NTRK2: variants seen among roughly 807,000 people sequenced by gnomAD.
NTRK2 encodes BDNF/NT-3 growth factors receptor.
A neutral mutation model predicts 94.5 loss-of-function variants in NTRK2; 13 were observed. The observed-to-expected ratio is 0.14, with a 90% CI of 0.09 to 0.22. The LOEUF is 0.22. Among genes scored for constraint, NTRK2 ranks in the 10% least tolerant of loss-of-function variants. NTRK2 has a pLI of 1.00. For missense variants in NTRK2, 639 were observed against 1,071.2 expected (o/e 0.60, Z 5.63); for synonymous variants, 372 against 407.4 (o/e 0.91, Z 1.05).
At chr9:84,885,504 G>C (rs939402459) in intron 14 of NTRK2, among the ~76,000 whole-genome samples, 7 of 152,034 alleles carry the variant, frequency 4.6e-5, no homozygotes, top group African/African-American at 1.7e-4. Context: ...TAGCAGAATA[G>C]AAGTTATCTT....
At chr9:84,873,265 G>GGCT (rs1587775133) in intron 14 of NTRK2, 2 of 1,059,744 alleles carry the variant, frequency 1.9e-6, no homozygotes, top group East Asian at 1.0e-4. Flanking sequence ...GCCAAATAAT[G>GGCT]GCTGCTTTGG....
At chr9:84,668,789 C>G (rs911590884), upstream of NTRK2, 1 of 152,208 alleles carries the variant, frequency 6.6e-6, no homozygotes, top group Non-Finnish European at 1.5e-5. Context: ...GCGCAAGGTA[C>G]GGCAGGGGAG....
intron 13 of NTRK2, among the ~76,000 whole-genome samples, chr9:84,863,353 C>T (rs1270583530): frequency 3.9e-5 from 6 of 152,190 alleles, no homozygotes; most frequent in Admixed American, 2.6e-4. Flanking sequence ...AGACTTAACT[C>T]ATGTTTTTCA....
At chr9:84,745,156 GACAC>G in intron 11 of NTRK2, 83 bp downstream of exon 11, 1 of 919,866 alleles carries the variant, frequency 1.1e-6, no homozygotes, top group Non-Finnish European at 1.8e-6. Flanking sequence ...GCTTCAATAA[GACAC>G]TTTTATTGTT....
intron 17 of NTRK2, among the ~76,000 whole-genome samples, chr9:84,990,467 G>A (rs1427485901): frequency 6.6e-6 from 1 of 152,174 alleles, no homozygotes; most frequent in African/African-American, 2.4e-5. Context: ...CGAAGCCCAG[G>A]CACTCTTTTG....
intron 12 of NTRK2, among the ~76,000 whole-genome samples, chr9:84,767,623 A>G (rs2066160088): frequency 6.6e-6 from 1 of 152,198 alleles, no homozygotes; most frequent in East Asian, 1.9e-4. Flanking sequence ...TGAGTGTCAC[A>G]GTGCTTCATC....
In NTRK2 at chr9:84,867,338, C is replaced by G. The variant is rs2132058839; in HGVS notation, c.1540C>G (p.Pro514Ala). 1 of 1,613,938 alleles carries G rather than the reference C, an allele frequency of 6.2e-7. No individual in the cohort carries two copies. Among genetic ancestry groups the G allele is most frequent in the Non-Finnish European group, 8.5e-7 (1 of 1,179,856 alleles). Residue 514 changes from proline to alanine, a missense_variant, in exon 14 of 19, where the codon CCA becomes GCA. Physicochemically the swap from Pro to Ala is conservative, Grantham distance 27. Transcript: ENST00000277120. ...SNTPSSSEGG[P>A]DAVIIGMTKI... is the part of the protein sequence containing the mutation. ...CACTCCATCTTCTTCGGAAGGTGGC[C>G]CAGATGCTGTCATTATTGGAATGAC...
At chr9:84,822,850 A>G (rs114550007) in intron 12 of NTRK2, among the ~76,000 whole-genome samples, 2,549 of 152,280 alleles carry the variant, frequency 0.017, 75 homozygotes, top group African/African-American at 0.057. Context: ...TTGGTCAACT[A>G]TGTTCCCTGT....
intron 12 of NTRK2, chr9:84,815,634 G>A (rs2072324915): frequency 1.0e-6 from 1 of 987,476 alleles, no homozygotes; most frequent in Admixed American, 6.0e-5. Context: ...TTTTAACAAT[G>A]TAGATAGATC....
chr9:84,821,881 C>A (rs2072871324), intron 12 of NTRK2, among the ~76,000 whole-genome samples: 1 of 151,106 alleles, frequency 6.6e-6, no homozygotes, highest in Admixed American at 6.6e-5. Context: ...TTGCTGTGTT[C>A]TTTCTTTTCT....
intron 9 of NTRK2, among the ~76,000 whole-genome samples, chr9:84,734,066 A>G (rs1428084906): frequency 6.6e-6 from 1 of 152,058 alleles, no homozygotes; most frequent in Admixed American, 6.5e-5. Flanking sequence ...ATCCTCCATG[A>G]TCTTTGCGGC....
At chr9:84,959,601 A>G (rs557879420) in intron 17 of NTRK2, among the ~76,000 whole-genome samples, 1 of 152,238 alleles carries the variant, frequency 6.6e-6, no homozygotes. Flanking sequence ...TACCTTCCCA[A>G]TGAAGGGAGA....
intron 12 of NTRK2, among the ~76,000 whole-genome samples, chr9:84,787,745 A>G (rs1023164147): frequency 1.3e-5 from 2 of 152,216 alleles, no homozygotes; most frequent in South Asian, 2.1e-4. Flanking sequence ...GGTGATAATA[A>G]TAGCTCCTAC....
At chr9:84,694,063 T>C (rs1414597987) in intron 2 of NTRK2, among the ~76,000 whole-genome samples, 1 of 152,168 alleles carries the variant, frequency 6.6e-6, no homozygotes, top group Non-Finnish European at 1.5e-5. Flanking sequence ...GTGCAAAAAC[T>C]CTAGAAATTA....
chr9:84,745,978 C>G (rs1336782176), intron 11 of NTRK2, among the ~76,000 whole-genome samples: 1 of 152,096 alleles, frequency 6.6e-6, no homozygotes, highest in Non-Finnish European at 1.5e-5. Context: ...CTTTTCCTCA[C>G]TGTCATATGC....
chr9:84,711,399 C>T (rs745458335), intron 6 of NTRK2, among the ~76,000 whole-genome samples: 10 of 152,140 alleles, frequency 6.6e-5, no homozygotes, highest in Non-Finnish European at 1.3e-4. Flanking sequence ...TAAAAGGGCA[C>T]CGAATGGCAA....
intron 17 of NTRK2, among the ~76,000 whole-genome samples, chr9:85,000,205 C>A (rs912081076): frequency 2.0e-5 from 3 of 152,182 alleles, no homozygotes; most frequent in South Asian, 2.1e-4. Context: ...TGCACCAGAG[C>A]GGTGCATTTG....
chr9:84,716,751 G>T (rs2061735032), intron 6 of NTRK2, among the ~76,000 whole-genome samples: 1 of 152,192 alleles, frequency 6.6e-6, no homozygotes, highest in Admixed American at 6.5e-5. Context: ...AATGTCAAAT[G>T]AAGTTGTTTT....
chr9:84,738,644 T>C (rs2063419497), intron 9 of NTRK2, among the ~76,000 whole-genome samples: 1 of 152,234 alleles, frequency 6.6e-6, no homozygotes, highest in South Asian at 2.1e-4. Context: ...GCTGTAGTAA[T>C]GTGACCCTCA....
Sources: gnomAD v4.1 joint callset for allele counts (sites outside exome capture counted in the v4.1 genomes callset) on GRCh38, gnomAD v4.1.1 for gene constraint, MANE v1.5 for transcripts, NCBI Gene and HGNC (gene_info 2026-07-23, HGNC 2026-07-21) for gene names.